Variants in PSMD1 observed in about 807,000 individuals in gnomAD.
PSMD1 encodes the protein 26S proteasome non-ATPase regulatory subunit 1.
In PSMD1, 18 loss-of-function variants were observed where a neutral mutation model predicts 119.0. The ratio of observed to expected loss-of-function variants is 0.15; its 90% CI spans 0.10 to 0.22. PSMD1 has a LOEUF of 0.22. PSMD1 is among the 10% of genes least tolerant of loss of function. The pLI is 1.00. For missense variants in PSMD1, 702 were observed against 1,158.5 expected (o/e 0.61, Z 5.72); for synonymous variants, 374 against 396.6 (o/e 0.94, Z 0.68).
chr2:231,132,718 T>C (rs1476888267), intron 16 of PSMD1, among the ~76,000 whole-genome samples: 3 of 152,198 alleles, frequency 2.0e-5, no homozygotes, highest in Non-Finnish European at 4.4e-5. Flanking sequence ...AGCACTAGAA[T>C]TGGAATCCAG....
intron 9 of PSMD1, 70 bp from the exon 10 acceptor site, chr2:231,078,589 T>G (rs886291777): frequency 1.0e-5 from 11 of 1,083,356 alleles, no homozygotes; most frequent in Admixed American, 2.5e-5. Flanking sequence ...GACCTCTGAC[T>G]GTGTGTGTGA....
intron 16 of PSMD1, among the ~76,000 whole-genome samples, chr2:231,119,104 T>G (rs1333898055): frequency 6.6e-6 from 1 of 152,270 alleles, no homozygotes; most frequent in Non-Finnish European, 1.5e-5. Context: ...GTGTTTTAAA[T>G]GTTTTAAGCA....
At chr2:231,061,861 C>T (rs1392338873) in intron 2 of PSMD1, among the ~76,000 whole-genome samples, 1 of 152,200 alleles carries the variant, frequency 6.6e-6, no homozygotes, top group Non-Finnish European at 1.5e-5. Flanking sequence ...TGAGCCACCA[C>T]ACCTTCCGCT....
intron 12 of PSMD1, among the ~76,000 whole-genome samples, chr2:231,082,127 A>G (rs1277999202): frequency 3.3e-5 from 5 of 152,202 alleles, no homozygotes; most frequent in African/African-American, 4.8e-5. Context: ...CAGTGGCACA[A>G]TGATGGCTCA....
chr2:231,114,010 T>G lies in PSMD1; in HGVS notation c.1884-24726T>G, dbSNP rs560294604. 7 of 1,063,252 alleles carry G rather than the reference T, an allele frequency of 6.6e-6. No individual in the cohort carries two copies. In the East Asian group the frequency reaches 1.5e-4, roughly 23 times the overall value. The allele number at this position is 1,063,252 out of a possible 1,614,324, so 65.9% of individuals were successfully genotyped here. A position where few individuals can be genotyped will look rare whatever the true frequency, so the allele number is the denominator to read the frequency against. On this transcript the variant is annotated intron_variant, in intron 16 of 24. Transcript: ENST00000308696. ...TCTACAGTTTTTCAGGTGATACATC[T>G]TTTGTCTTTTTTGTTACTCATCTGA...
At chr2:231,157,603 G>A (rs1696541241) in intron 19 of PSMD1, among the ~76,000 whole-genome samples, 1 of 151,206 alleles carries the variant, frequency 6.6e-6, no homozygotes, top group African/African-American at 2.4e-5. Context: ...GGCCAATTCT[G>A]TCACCCAGCC....
intron 16 of PSMD1, among the ~76,000 whole-genome samples, chr2:231,136,919 G>C (rs1169531501): frequency 2.1e-5 from 3 of 144,276 alleles, no homozygotes; most frequent in African/African-American, 7.6e-5. Flanking sequence ...ATGCCGCTTT[G>C]CCACTTTTAT....
At chr2:231,136,853 TG>T (rs1194242365) in intron 16 of PSMD1, among the ~76,000 whole-genome samples, 1 of 150,924 alleles carries the variant, frequency 6.6e-6, no homozygotes, top group African/African-American at 2.4e-5. Context: ...TCCTGACCAC[TG>T]TTACCTCTTT....
At chr2:231,119,572 A>G (rs142691143) in intron 16 of PSMD1, among the ~76,000 whole-genome samples, 1 of 152,252 alleles carries the variant, frequency 6.6e-6, no homozygotes, top group Non-Finnish European at 1.5e-5. Context: ...TGAGGCATCA[A>G]TTGAAACTTA....
In PSMD1 at chr2:231,072,424, A is replaced by G. The variant is rs374116736; in HGVS notation, c.881+9A>G. 229 of 1,577,592 alleles carry G rather than the reference A, an allele frequency of 1.5e-4. No individual in the cohort carries two copies. The highest frequency in any genetic ancestry group is 1.9e-4 in the Non-Finnish European group (222 of 1,148,470). On this transcript the variant is annotated intron_variant, in intron 7 of 24. Coordinates refer to ENST00000308696, the MANE Select transcript of PSMD1 (RefSeq NM_002807.4). ...GGATCAGAGAAAGACAGGTATAAGT[A>G]CCTTTTTCTGCATCAAAACTAATTG...
chr2:231,062,465 C>G (rs1559215516), intron 3 of PSMD1, 41 bp from the exon 4 acceptor site: 6 of 1,563,312 alleles, frequency 3.8e-6, no homozygotes, highest in Non-Finnish European at 5.2e-6. Flanking sequence ...TTAGGGAAAA[C>G]CACAGTTTGA....
chr2:231,136,817 A>G (rs1014880407), intron 16 of PSMD1, among the ~76,000 whole-genome samples: 5 of 151,620 alleles, frequency 3.3e-5, no homozygotes, highest in Non-Finnish European at 5.9e-5. Flanking sequence ...AAGTCACTTT[A>G]TGTCTGCATT....
chr2:231,115,715 AAG>A (rs1695307779), intron 16 of PSMD1, among the ~76,000 whole-genome samples: 1 of 152,142 alleles, frequency 6.6e-6, no homozygotes, highest in South Asian at 2.1e-4. Flanking sequence ...ATATAGAGGT[AAG>A]GAGGGGAGGC....
intron 1 of PSMD1, among the ~76,000 whole-genome samples, chr2:231,058,583 A>G (rs1429431880): frequency 1.3e-5 from 2 of 151,646 alleles, no homozygotes; most frequent in Non-Finnish European, 2.9e-5. Flanking sequence ...GTATGCCCCA[A>G]GATACTTCTT....
At chr2:231,082,556 T>C (rs1418005215) in intron 12 of PSMD1, among the ~76,000 whole-genome samples, 3 of 151,960 alleles carry the variant, frequency 2.0e-5, no homozygotes, top group Non-Finnish European at 4.4e-5. Context: ...AATACAAAAA[T>C]TAGGCAGGCG....
chr2:231,171,843 A>T (rs552666389), intron 24 of PSMD1, among the ~76,000 whole-genome samples: 3 of 152,256 alleles, frequency 2.0e-5, no homozygotes, highest in African/African-American at 7.2e-5. Flanking sequence ...GGTGTGAGCC[A>T]CCACGCCCGG....
At chr2:231,065,261 G>GT (rs1693875006) in intron 4 of PSMD1, among the ~76,000 whole-genome samples, 1 of 150,064 alleles carries the variant, frequency 6.7e-6, no homozygotes, top group African/African-American at 2.5e-5. Context: ...GGGTGACTGG[G>GT]TTTTTTGTTT....
At chr2:231,082,762 G>T in intron 12 of PSMD1, 121 bp from the exon 13 acceptor site, 1 of 680,064 alleles carries the variant, frequency 1.5e-6, no homozygotes. Context: ...CACATCCTTT[G>T]ATCATTCTTA....
At chr2:231,070,937 A>G (rs1384385012) in intron 6 of PSMD1, among the ~76,000 whole-genome samples, 1 of 152,092 alleles carries the variant, frequency 6.6e-6, no homozygotes, top group East Asian at 1.9e-4. Flanking sequence ...GACTTTGAAA[A>G]TTTAGATTAA....
Sources: allele counts gnomAD v4.1 joint callset (sites outside exome capture counted in the v4.1 genomes callset), GRCh38; gene constraint gnomAD v4.1.1; transcripts MANE v1.5; gene names NCBI Gene and HGNC (gene_info 2026-07-23, HGNC 2026-07-21).